Variants in DLC1 observed in about 807,000 individuals in gnomAD.
DLC1 encodes DLC1 Rho GTPase activating protein.
In DLC1, 54 loss-of-function variants were observed where a neutral mutation model predicts 140.3. That is an observed-to-expected ratio of 0.38 (90% CI 0.31 to 0.48). The LOEUF (loss-of-function observed/expected upper bound fraction) is 0.48, where lower values mean the gene tolerates loss of function less well. Ranked by LOEUF, DLC1 falls within the 20% of genes least tolerant of loss-of-function variation. The pLI is 0.96. For synonymous variants in DLC1, 986 were observed against 728.1 expected (o/e 1.35, Z -5.70); for missense variants, 2,536 against 1,907.0 (o/e 1.33, Z -6.14).
rs191678885 is a variant in DLC1 at position 13,107,987 on chromosome 8, G to C, written c.1502+2755C>G. 2.6e-5 allele frequency among the ~76,000 whole-genome samples: 4 copies of C among 152,302 alleles called. No individual in the cohort carries two copies. In the East Asian group the frequency reaches 7.7e-4, roughly 29 times the overall value. On this transcript the variant is annotated intron_variant, in intron 7 of 17. Coordinates refer to ENST00000276297, the MANE Select transcript of DLC1 (RefSeq NM_182643.3). ...TTGAACCTGGGAGGCGGAGGTTGCAGTGAGCCGAGATCACGCCACTGTACT... is the reference window on the plus strand; with the variant it reads ...TTGAACCTGGGAGGCGGAGGTTGCACTGAGCCGAGATCACGCCACTGTACT...
intron 2 of DLC1, among the ~76,000 whole-genome samples, chr8:13,475,875 C>T (rs1001987304): frequency 3.9e-5 from 6 of 152,154 alleles, no homozygotes; most frequent in Non-Finnish European, 5.9e-5. Flanking sequence ...ACTCTTAAGA[C>T]GAGAATGAAC....
intron 5 of DLC1, among the ~76,000 whole-genome samples, chr8:13,269,719 A>T (rs1181814868): frequency 1.5e-5 from 2 of 134,380 alleles, no homozygotes; most frequent in Non-Finnish European, 3.4e-5. Flanking sequence ...AAAAAAAAAA[A>T]AAAAAAGACA....
intron 5 of DLC1, among the ~76,000 whole-genome samples, chr8:13,277,053 T>A (rs1175344028): frequency 6.6e-6 from 1 of 152,318 alleles, no homozygotes; most frequent in East Asian, 1.9e-4. Context: ...GCCAGCACTG[T>A]GGCTCACGCC....
chr8:13,196,432 G>T (rs960351903), intron 5 of DLC1, among the ~76,000 whole-genome samples: 1 of 152,070 alleles, frequency 6.6e-6, no homozygotes, highest in South Asian at 2.1e-4. Context: ...ACACATACCC[G>T]TGTAAGGTCT....
intron 1 of DLC1, among the ~76,000 whole-genome samples, chr8:13,503,294 C>T (rs1359184880): frequency 7.9e-5 from 12 of 152,094 alleles, no homozygotes; most frequent in African/African-American, 2.9e-4. Context: ...GACCCAGCAA[C>T]TTGGGAGGCT....
At chr8:13,238,847 G>C (rs1461500427) in intron 5 of DLC1, among the ~76,000 whole-genome samples, 1 of 152,148 alleles carries the variant, frequency 6.6e-6, no homozygotes, top group South Asian at 2.1e-4. Flanking sequence ...TCCAGGAGGG[G>C]CGTGGGCTTA....
At chr8:13,304,427 TA>T in intron 5 of DLC1, 1 of 156,538 alleles carries the variant, frequency 6.4e-6, no homozygotes, top group Non-Finnish European at 1.4e-5. Context: ...AAATTCTGTG[TA>T]AAAACTATCT....
intron 1 of DLC1, among the ~76,000 whole-genome samples, chr8:13,536,506 C>T (rs986179078): frequency 2.6e-5 from 4 of 152,168 alleles, no homozygotes; most frequent in African/African-American, 9.7e-5. Context: ...TTAATTGGAA[C>T]CTCTCATTAT....
At chr8:13,406,100 A>AG (rs1837545480) in intron 2 of DLC1, among the ~76,000 whole-genome samples, 1 of 144,746 alleles carries the variant, frequency 6.9e-6, no homozygotes, top group African/African-American at 2.6e-5. Context: ...TCTGCCTCCC[A>AG]GGTTCAAGCG....
At chr8:13,260,184 G>C (rs1830417914) in intron 5 of DLC1, among the ~76,000 whole-genome samples, 1 of 152,178 alleles carries the variant, frequency 6.6e-6, no homozygotes. Flanking sequence ...GATATGCCTG[G>C]AAATTGCATG....
chr8:13,276,175 A>G, intron 5 of DLC1: 2 of 1,495,690 alleles, frequency 1.3e-6, no homozygotes, highest in Non-Finnish European at 8.9e-7. Flanking sequence ...TCATTCATGA[A>G]CCAAGCTTAT....
intron 5 of DLC1, among the ~76,000 whole-genome samples, chr8:13,174,808 G>T (rs1244386819): frequency 1.3e-5 from 2 of 151,974 alleles, no homozygotes; most frequent in South Asian, 2.1e-4. Context: ...CCATTCTGTA[G>T]GTTGTTTACT....
chr8:13,535,490 A>C (rs1444778186), intron 1 of DLC1, among the ~76,000 whole-genome samples: 5 of 152,076 alleles, frequency 3.3e-5, no homozygotes, highest in African/African-American at 1.2e-4. Context: ...AGATATCTCC[A>C]GAAAATGTTG....
At position 13,092,841 on chromosome 8, in the gene DLC1, A is replaced by C. The variant is rs755928629; in HGVS notation, c.3527-16T>G. On this transcript the variant is annotated splice_polypyrimidine_tract_variant and intron_variant, in intron 12 of 17. Transcript: ENST00000276297. Reference sequence around the variant, plus strand: ...TTGGGCACATCTGCACGACACCAGCACTTTCTCCATCAGCTTGGTGAATTT... The same window carrying C: ...TTGGGCACATCTGCACGACACCAGCCCTTTCTCCATCAGCTTGGTGAATTT... The C allele has an allele frequency of 6.2e-7, 1 of 1,606,312 alleles. No individual in the cohort carries two copies. Among genetic ancestry groups the C allele is most frequent in the East Asian group, 2.2e-5 (1 of 44,654 alleles).
intron 2 of DLC1, among the ~76,000 whole-genome samples, chr8:13,473,256 A>G (rs867781355): frequency 3.9e-5 from 6 of 152,106 alleles, no homozygotes; most frequent in Middle Eastern, 3.2e-3. Flanking sequence ...CCCAAATCTC[A>G]TGTTTAATTC....
intron 4 of DLC1, among the ~76,000 whole-genome samples, chr8:13,380,391 C>G (rs1013449548): frequency 3.9e-5 from 6 of 152,150 alleles, no homozygotes; most frequent in Non-Finnish European, 7.4e-5. Flanking sequence ...TGTCGTCTGA[C>G]CATTTCATGT....
intron 7 of DLC1, among the ~76,000 whole-genome samples, chr8:13,107,320 G>A (rs932696450): frequency 1.3e-5 from 2 of 152,196 alleles, no homozygotes; most frequent in African/African-American, 2.4e-5. Context: ...TGTAAGATCT[G>A]TAAATGTCAC....
intron 2 of DLC1, among the ~76,000 whole-genome samples, chr8:13,411,308 C>G (rs779792058): frequency 2.0e-5 from 3 of 152,164 alleles, no homozygotes; most frequent in Non-Finnish European, 4.4e-5. Context: ...AGAAGTCAGT[C>G]TGACGAGCTA....
upstream of DLC1, among the ~76,000 whole-genome samples, chr8:13,517,907 A>G (rs1802642301): frequency 6.6e-6 from 1 of 152,164 alleles, no homozygotes; most frequent in Admixed American, 6.5e-5. Context: ...AATTATTTTT[A>G]CCACTTAAAT....
Sources: gnomAD v4.1 joint callset for allele counts (sites outside exome capture counted in the v4.1 genomes callset) on GRCh38, gnomAD v4.1.1 for gene constraint, MANE v1.5 for transcripts, NCBI Gene and HGNC (gene_info 2026-07-23, HGNC 2026-07-21) for gene names.